The following TBCD variants were observed in gnomAD, a reference collection of about 807,000 sequenced individuals.
TBCD encodes tubulin-specific chaperone D.
Under a neutral mutation model 169.3 loss-of-function variants are expected in TBCD, and 105 were observed. That is an observed-to-expected ratio of 0.62 (90% CI 0.53 to 0.73). The LOEUF is 0.73. Ranked by LOEUF, TBCD falls within the 30% of genes least tolerant of loss-of-function variation. The probability of loss-of-function intolerance (pLI) is 0.00; values close to 1 mark genes in which losing one functional copy is unlikely to be tolerated. For synonymous variants in TBCD, 700 were observed against 643.9 expected (o/e 1.09, Z -1.32); for missense variants, 1,444 against 1,600.1 (o/e 0.90, Z 1.66).
chr17:82,811,423 AG>A (rs1276181933), intron 12 of TBCD, among the ~76,000 whole-genome samples: 1 of 152,168 alleles, frequency 6.6e-6, no homozygotes, highest in Non-Finnish European at 1.5e-5. Flanking sequence ...TTTAATCTTC[AG>A]GTGCTTTTTA....
Position 82,832,510 on chromosome 17 carries a change from C to T in TBCD, c.1318+17576C>T, listed in dbSNP as rs1268439335. On this transcript the variant is annotated intron_variant, in intron 13 of 38. Transcript: ENST00000355528. This position sits in a 1 kb window ranked among gnomAD's most constrained non-coding sequence, Gnocchi z 4.9. ...CCAGGTGGCGTGATCACTGTCGACG[C>T]CGCGTGCACTTCGTGGTTTCTAAAG... 1.3e-6 allele frequency: 2 copies of T among 1,517,000 alleles called. No individual in the cohort carries two copies. The highest frequency in any genetic ancestry group is 1.8e-6 in the Non-Finnish European group (2 of 1,104,302). 94.0% of individuals were successfully genotyped at this position (1,517,000 alleles called of 1,614,324 possible).
Position 82,903,277 on chromosome 17 carries a change from G to A in TBCD, c.1731-128G>A, listed in dbSNP as rs572853941. ...TTCTTGTACTGGTTCGTGTGAGTGAGTGAGTGAGCCTCTGCTAAGTGGCCG... is the reference window on the plus strand; with the variant it reads ...TTCTTGTACTGGTTCGTGTGAGTGAATGAGTGAGCCTCTGCTAAGTGGCCG... On this transcript the variant is annotated intron_variant, in intron 18 of 38. Coordinates refer to ENST00000355528, the MANE Select transcript of TBCD (RefSeq NM_005993.5). This position sits in a 1 kb window ranked among gnomAD's most constrained non-coding sequence, Gnocchi z 4.8. 434 of 802,054 alleles carry A rather than the reference G, an allele frequency of 5.4e-4. 5 individuals are homozygous for A. In the African/African-American group the frequency reaches 6.9e-3, roughly 13 times the overall value. 49.7% of individuals were successfully genotyped at this position (802,054 alleles called of 1,614,324 possible).
rs2049041524 is a variant in TBCD, at chr17:82,782,871, G to A, written c.771+1150G>A. On this transcript the variant is annotated intron_variant, in intron 7 of 38. Coordinates refer to ENST00000355528, the MANE Select transcript of TBCD (RefSeq NM_005993.5). This position sits in a 1 kb window ranked among gnomAD's most constrained non-coding sequence, Gnocchi z 5.1. Reference sequence around the variant, plus strand: ...CCGCAGAGGCGTCCTCATGTCCTCAGTGTTGTCTTCCTGTCCATGGCGTTG... The same window carrying A: ...CCGCAGAGGCGTCCTCATGTCCTCAATGTTGTCTTCCTGTCCATGGCGTTG... 6.6e-6 allele frequency among the ~76,000 whole-genome samples: 1 copy of A among 151,534 alleles called. No homozygotes were observed. Among genetic ancestry groups the A allele is most frequent in the African/African-American group, 2.4e-5 (1 of 41,234 alleles).
At chr17:82,800,105 G>GC (rs2050396550) in intron 8 of TBCD, among the ~76,000 whole-genome samples, 1 of 150,614 alleles carries the variant, frequency 6.6e-6, no homozygotes, top group Admixed American at 6.6e-5. Flanking sequence ...TCTGTCTTCA[G>GC]CTTCTCTTCT....
intron 17 of TBCD, among the ~76,000 whole-genome samples, chr17:82,900,146 A>G (rs563017144): frequency 6.6e-6 from 1 of 152,352 alleles, no homozygotes; most frequent in South Asian, 2.1e-4. Flanking sequence ...GCCTGAGCAC[A>G]GCCATCACCC....
intron 13 of TBCD, chr17:82,858,680 T>G: frequency 1.0e-6 from 1 of 983,482 alleles, no homozygotes; most frequent in Non-Finnish European, 1.2e-6. Flanking sequence ...GAGGTTCCTG[T>G]GTTTTCCTTG....
At chr17:82,860,270 C>A in intron 13 of TBCD, 2 of 687,780 alleles carry the variant, frequency 2.9e-6, no homozygotes, top group Non-Finnish European at 3.6e-6. Flanking sequence ...AGCGCCCTGG[C>A]TTCAGGGAGG....
At chr17:82,753,654 A>G (rs1169389994) in intron 1 of TBCD, among the ~76,000 whole-genome samples, 2 of 149,144 alleles carry the variant, frequency 1.3e-5, no homozygotes, top group Non-Finnish European at 3.0e-5. Flanking sequence ...GGGTTTCACC[A>G]TGTTGGTCAG....
In TBCD at chr17:82,832,567, C is replaced by T; in HGVS notation, c.1318+17633C>T. On this transcript the variant is annotated intron_variant, in intron 13 of 38. Transcript: ENST00000355528. This position sits in a 1 kb window ranked among gnomAD's most constrained non-coding sequence, Gnocchi z 4.9. The stretch of plus-strand genomic sequence containing the variant: ...CTCCCGCTTTGCTTTCTTTCCCGAT[C>T]ACTTCTATCAGAAGCCAGCTCTGCG... The T allele has an allele frequency of 1.1e-6, 1 of 890,426 alleles. No individual in the cohort carries two copies. The highest frequency in any genetic ancestry group is 1.8e-6 in the Non-Finnish European group (1 of 555,156). 55.2% of individuals were successfully genotyped at this position (890,426 alleles called of 1,614,324 possible).
At position 82,806,242 on chromosome 17, in the gene TBCD, C is replaced by T. The variant is rs988390870; in HGVS notation, c.1087+231C>T. Among the ~76,000 whole-genome samples, 8 of 152,110 alleles carry T rather than the reference C, an allele frequency of 5.3e-5. No individual in the cohort carries two copies. Among genetic ancestry groups the T allele is most frequent in the Admixed American group, 2.0e-4 (3 of 15,274 alleles). On this transcript the variant is annotated intron_variant, in intron 10 of 38. Transcript: ENST00000355528. The surrounding 1 kb of genome is among the most constrained non-coding windows in gnomAD (Gnocchi z 5.1). ...GTAGAAGCCCTTTTTCCCACCGCCT[C>T]GCCTCCTTCCTGACCTGGGCTGCCT... is the stretch of plus-strand genomic sequence containing the variant.
intron 16 of TBCD, among the ~76,000 whole-genome samples, chr17:82,892,382 G>T (rs897193823): frequency 1.3e-5 from 2 of 152,168 alleles, no homozygotes; most frequent in Non-Finnish European, 2.9e-5. Context: ...CCCTGTTCAC[G>T]GTTCAGTGAA....
chr17:82,795,011 G>C (rs1050700679), intron 7 of TBCD, among the ~76,000 whole-genome samples: 1 of 152,224 alleles, frequency 6.6e-6, no homozygotes, highest in Admixed American at 6.5e-5. Flanking sequence ...TGGAAGCTGG[G>C]CTGGGCCTTT....
Position 82,920,283 on chromosome 17 carries a change from T to A in TBCD, c.2039-273T>A, listed in dbSNP as rs893347199. Among the ~76,000 whole-genome samples the A allele has an allele frequency of 1.3e-5, 2 of 152,222 alleles. No individual in the cohort carries two copies. Among genetic ancestry groups the A allele is most frequent in the Non-Finnish European group, 2.9e-5 (2 of 68,030 alleles). ...CCCTGACAGGCCGGCCCGGCTTCTC[T>A]GAAGTGCACGTGGGCTCACACATGG... is the stretch of plus-strand genomic sequence containing the variant. On this transcript the variant is annotated intron_variant, in intron 23 of 38. Transcript: ENST00000355528. The surrounding 1 kb of genome is among the most constrained non-coding windows in gnomAD (Gnocchi z 4.1).
At chr17:82,830,185 G>C (rs750407734) in intron 13 of TBCD, 14 of 1,614,120 alleles carry the variant, frequency 8.7e-6, no homozygotes, top group Non-Finnish European at 1.2e-5. Context: ...CACTCTGGCC[G>C]TGTCCTGCAG....
At chr17:82,927,786 G>T in intron 29 of TBCD, 119 bp from the exon 30 acceptor site, 2 of 824,050 alleles carry the variant, frequency 2.4e-6, no homozygotes, top group Admixed American at 4.1e-5. Context: ...GCGTGCCTGG[G>T]CTCTGTGTGG....
intron 13 of TBCD, among the ~76,000 whole-genome samples, chr17:82,844,124 C>G (rs887891489): frequency 1.9e-4 from 28 of 151,346 alleles, no homozygotes; most frequent in African/African-American, 6.6e-4. Flanking sequence ...TCATGCAGTA[C>G]TTTCAGTAGC....
intron 8 of TBCD, among the ~76,000 whole-genome samples, chr17:82,798,397 C>T (rs370144375): frequency 6.6e-6 from 1 of 152,156 alleles, no homozygotes; most frequent in Non-Finnish European, 1.5e-5. Context: ...CCACCTGCCT[C>T]GGCTTCCCAA....
intron 20 of TBCD, among the ~76,000 whole-genome samples, chr17:82,906,439 C>T (rs1489317943): frequency 6.6e-6 from 1 of 152,246 alleles, no homozygotes; most frequent in Non-Finnish European, 1.5e-5. Context: ...ATCCTTTCTT[C>T]ATCACGTTCC....
At chr17:82,828,986 C>G (rs1296165388) in intron 13 of TBCD, among the ~76,000 whole-genome samples, 10 of 147,704 alleles carry the variant, frequency 6.8e-5, no homozygotes, top group Non-Finnish European at 6.0e-5. Flanking sequence ...ATCCCATATA[C>G]CCACCCCCAC....
Sources: gnomAD v4.1 joint callset for allele counts (sites outside exome capture counted in the v4.1 genomes callset) on GRCh38, gnomAD v4.1.1 for gene constraint, Gnocchi (gnomAD v3.1) non-coding constraint, MANE v1.5 for transcripts, NCBI Gene and HGNC (gene_info 2026-07-23, HGNC 2026-07-21) for gene names.